The following DDX4 variants were observed in gnomAD, a reference collection of about 807,000 sequenced individuals.
DDX4 encodes DEAD-box helicase 4.
Under a neutral mutation model 100.0 loss-of-function variants are expected in DDX4, and 25 were observed. The ratio of observed to expected loss-of-function variants is 0.25; its 90% confidence interval spans 0.18 to 0.35. The LOEUF is 0.35. DDX4 is among the 10% of genes least tolerant of loss of function. The probability of loss-of-function intolerance (pLI) is 1.00; values close to 1 mark genes in which losing one functional copy is unlikely to be tolerated. For synonymous variants in DDX4, 259 were observed against 275.7 expected (o/e 0.94, Z 0.60); for missense variants, 635 against 882.4 (o/e 0.72, Z 3.55).
At chr5:55,748,303 G>A (rs1390482579) in intron 3 of DDX4, among the ~76,000 whole-genome samples, 5 of 152,142 alleles carry the variant, frequency 3.3e-5, no homozygotes, top group African/African-American at 4.8e-5. Context: ...ATGGATAAAC[G>A]TAATAGATAC....
At chr5:55,747,600 C>T (rs1181262533) in intron 3 of DDX4, among the ~76,000 whole-genome samples, 1 of 152,136 alleles carries the variant, frequency 6.6e-6, no homozygotes, top group Non-Finnish European at 1.5e-5. Flanking sequence ...ATAAGATTTA[C>T]CATTTTAATG....
chr5:55,792,454 G>C (rs915780764), intron 16 of DDX4, among the ~76,000 whole-genome samples, 187 bp from the exon 17 acceptor site: 1 of 151,424 alleles, frequency 6.6e-6, no homozygotes, highest in Admixed American at 6.6e-5. Context: ...CTGCCTCCCG[G>C]GTTCACACCG....
intron 3 of DDX4, among the ~76,000 whole-genome samples, chr5:55,748,269 A>G (rs1168456596): frequency 3.3e-5 from 5 of 152,224 alleles, no homozygotes; most frequent in African/African-American, 9.6e-5. Context: ...CTCTGTGTGT[A>G]CTTAGAGTAT....
At chr5:55,763,943 A>G in intron 5 of DDX4, 71 bp from the exon 6 acceptor site, 1 of 1,039,326 alleles carries the variant, frequency 9.6e-7, no homozygotes, top group South Asian at 1.3e-5. Context: ...CATCATAACT[A>G]GTAGTTCCTG....
At chr5:55,749,619 A>G (rs1483930911) in intron 3 of DDX4, among the ~76,000 whole-genome samples, 2 of 152,036 alleles carry the variant, frequency 1.3e-5, no homozygotes, top group East Asian at 1.9e-4. Context: ...AGTTTTTGTA[A>G]CTGTATATGC....
intron 18 of DDX4, among the ~76,000 whole-genome samples, chr5:55,802,615 T>G (rs1460805901): frequency 6.6e-6 from 1 of 152,228 alleles, no homozygotes; most frequent in African/African-American, 2.4e-5. Context: ...TTTAGAACCT[T>G]CTACCCAAGA....
At chr5:55,781,550 G>A (rs957457186) in intron 9 of DDX4, among the ~76,000 whole-genome samples, 1 of 152,176 alleles carries the variant, frequency 6.6e-6, no homozygotes, top group Admixed American at 6.5e-5. Context: ...GCTGAGGCAG[G>A]TGGATCACTT....
chr5:55,807,439 A>G (rs770086855), intron 18 of DDX4, among the ~76,000 whole-genome samples: 38 of 152,250 alleles, frequency 2.5e-4, no homozygotes, highest in Non-Finnish European at 3.8e-4. Context: ...ACAATTTGGC[A>G]TGTTTTTGCA....
intron 3 of DDX4, among the ~76,000 whole-genome samples, chr5:55,756,059 G>C (rs564705168): frequency 6.6e-6 from 1 of 152,272 alleles, no homozygotes; most frequent in Admixed American, 6.5e-5. Flanking sequence ...TAGGTTATTT[G>C]TGGATGTATG....
intron 13 of DDX4, 44 bp downstream of exon 13, chr5:55,785,915 T>C: frequency 7.0e-7 from 1 of 1,437,964 alleles, no homozygotes; most frequent in South Asian, 1.2e-5. Flanking sequence ...TAGCACACTT[T>C]GCCTTTAAAA....
At chr5:55,803,975 C>T (rs1743516631) in intron 18 of DDX4, among the ~76,000 whole-genome samples, 2 of 151,684 alleles carry the variant, frequency 1.3e-5, no homozygotes, top group Admixed American at 6.6e-5. Context: ...ACATCCTCTC[C>T]AGCACCTGTT....
chr5:55,740,330 C>T (rs1263036191), intron 2 of DDX4, among the ~76,000 whole-genome samples: 3 of 151,938 alleles, frequency 2.0e-5, no homozygotes, highest in African/African-American at 7.3e-5. Flanking sequence ...CCACGCCCAG[C>T]TAATTTTTGT....
intron 17 of DDX4, among the ~76,000 whole-genome samples, chr5:55,795,527 T>C (rs1278804161): frequency 1.3e-5 from 2 of 152,184 alleles, no homozygotes; most frequent in Non-Finnish European, 2.9e-5. Context: ...CCCAACACTT[T>C]GGGAGGCTAA....
In DDX4 at chr5:55,765,407, A is replaced by ATATATATATATAT. The variant is rs1225727462; in HGVS notation, c.334+1343_334+1344insTATATATATATAT. On this transcript the variant is annotated intron_variant, in intron 6 of 21. Transcript: ENST00000505374. ...TTTTTAGTTCCCCTAAAAAAAAAAA[A>ATATATATATATAT]AAAAAAATATATATATATATATATA... 6.5e-5 allele frequency among the ~76,000 whole-genome samples: 6 copies of ATATATATATATAT among 92,934 alleles called. No individual in the cohort carries two copies. In the East Asian group the frequency reaches 1.8e-3, roughly 28 times the overall value. The allele number at this position is 92,934 out of a possible 152,430, so 61.0% of individuals were successfully genotyped here.
At chr5:55,805,140 A>G (rs1427249802) in intron 18 of DDX4, among the ~76,000 whole-genome samples, 1 of 151,780 alleles carries the variant, frequency 6.6e-6, no homozygotes, top group Non-Finnish European at 1.5e-5. Context: ...TTATTGGTGT[A>G]TAAGAATGCT....
chr5:55,783,655 A>G (rs1327547681), intron 10 of DDX4, among the ~76,000 whole-genome samples: 1 of 142,182 alleles, frequency 7.0e-6, no homozygotes, highest in African/African-American at 2.5e-5. Context: ...GGATGGATGG[A>G]TGGATGGATG....
intron 17 of DDX4, among the ~76,000 whole-genome samples, chr5:55,796,823 CTTTTTTTTTTTTTTTTTTTTTTTTTT>C (rs3990072): frequency 3.3e-5 from 2 of 59,936 alleles, no homozygotes; most frequent in Non-Finnish European, 6.5e-5. Flanking sequence ...TTCTTTCTTT[CTTTTTTTTTTTTTTTTTTTTTTTTTT>C]TTTTTTTTGG....
chr5:55,762,503 A>G (rs529695480), intron 4 of DDX4, among the ~76,000 whole-genome samples: 6 of 152,224 alleles, frequency 3.9e-5, no homozygotes, highest in Non-Finnish European at 7.3e-5. Flanking sequence ...GACAAATAAG[A>G]AAGTAGGGAA....
chr5:55,801,263 A>G (rs1743286074), intron 18 of DDX4, among the ~76,000 whole-genome samples: 2 of 147,384 alleles, frequency 1.4e-5, no homozygotes, highest in South Asian at 4.3e-4. Flanking sequence ...TTTAAAGCTC[A>G]TCAGCTATCA....
Sources: allele counts gnomAD v4.1 joint callset (sites outside exome capture counted in the v4.1 genomes callset), GRCh38; gene constraint gnomAD v4.1.1; transcripts MANE v1.5; gene names NCBI Gene and HGNC (gene_info 2026-07-23, HGNC 2026-07-21).